FTO: variants seen among roughly 807,000 people sequenced by gnomAD.
FTO encodes the protein alpha-ketoglutarate-dependent dioxygenase FTO.
Under a neutral mutation model 63.9 loss-of-function variants are expected in FTO, and 47 were observed. That is an observed-to-expected ratio of 0.74 (90% CI 0.58 to 0.94). The LOEUF is 0.94. Among genes scored for constraint, FTO ranks in the 40% least tolerant of loss-of-function variants. The pLI is 0.00. For missense variants in FTO, 562 were observed against 618.1 expected (o/e 0.91, Z 0.96); for synonymous variants, 207 against 224.4 (o/e 0.92, Z 0.69).
At chr16:53,836,872 G>T (rs915219147) in intron 3 of FTO, among the ~76,000 whole-genome samples, 1 of 152,080 alleles carries the variant, frequency 6.6e-6, no homozygotes, top group African/African-American at 2.4e-5. Context: ...AGAGAAACTG[G>T]GTATTGGGTG....
At chr16:54,089,512 G>C (rs2086328863) in intron 8 of FTO, among the ~76,000 whole-genome samples, 1 of 152,110 alleles carries the variant, frequency 6.6e-6, no homozygotes, top group South Asian at 2.1e-4. Context: ...ACACGGTTAA[G>C]AGTTAATGGA....
At chr16:54,026,878 A>G (rs1424487082) in intron 8 of FTO, among the ~76,000 whole-genome samples, 1 of 152,218 alleles carries the variant, frequency 6.6e-6, no homozygotes, top group Non-Finnish European at 1.5e-5. Flanking sequence ...ATTTTTCTTT[A>G]GCCTTTTTGC....
At chr16:54,089,541 C>T (rs1213078439) in intron 8 of FTO, among the ~76,000 whole-genome samples, 1 of 152,086 alleles carries the variant, frequency 6.6e-6, no homozygotes, top group African/African-American at 2.4e-5. Context: ...ATAAATTGGA[C>T]TTCATCAGAA....
intron 2 of FTO, 51 bp downstream of exon 2, chr16:53,810,268 C>G: frequency 7.8e-7 from 1 of 1,274,114 alleles, no homozygotes; most frequent in Non-Finnish European, 1.1e-6. Context: ...TCTGATCAAC[C>G]TTATTTTACC....
chr16:53,728,994 C>T (rs2076212118), intron 1 of FTO, among the ~76,000 whole-genome samples: 1 of 151,340 alleles, frequency 6.6e-6, no homozygotes, highest in South Asian at 2.1e-4. Flanking sequence ...GAACTCCCGA[C>T]CTCAAGTGAT....
chr16:53,717,659 C>T (rs1199625422), intron 1 of FTO, among the ~76,000 whole-genome samples: 1 of 151,890 alleles, frequency 6.6e-6, no homozygotes, highest in Non-Finnish European at 1.5e-5. Context: ...AACAGTCATG[C>T]ATTCTTCTGG....
At chr16:54,056,611 G>A (rs1387098099) in intron 8 of FTO, among the ~76,000 whole-genome samples, 2 of 152,168 alleles carry the variant, frequency 1.3e-5, no homozygotes, top group East Asian at 1.9e-4. Context: ...TACATTGTGA[G>A]CAACCCTATG....
At chr16:53,900,385 A>G (rs2081372801) in intron 7 of FTO, among the ~76,000 whole-genome samples, 1 of 152,262 alleles carries the variant, frequency 6.6e-6, no homozygotes, top group South Asian at 2.1e-4. Context: ...AATATTCTCA[A>G]AAAAAGGGCA....
intron 1 of FTO, among the ~76,000 whole-genome samples, chr16:53,754,654 T>C (rs1400328280): frequency 6.6e-6 from 1 of 151,952 alleles, no homozygotes; most frequent in African/African-American, 2.4e-5. Context: ...AAAAGCTCCA[T>C]GATACCTTGA....
At chr16:53,738,639 G>C (rs1166390147) in intron 1 of FTO, among the ~76,000 whole-genome samples, 3 of 152,100 alleles carry the variant, frequency 2.0e-5, no homozygotes, top group Non-Finnish European at 4.4e-5. Context: ...CATATGGTAA[G>C]TCTATGTTTG....
At chr16:53,734,400 A>C (rs961204370) in intron 1 of FTO, among the ~76,000 whole-genome samples, 11 of 152,226 alleles carry the variant, frequency 7.2e-5, no homozygotes, top group African/African-American at 2.7e-4. Flanking sequence ...TGATGTACAG[A>C]ATCTTAATGT....
intron 8 of FTO, among the ~76,000 whole-genome samples, chr16:54,018,309 T>C (rs1392934513): frequency 1.3e-5 from 2 of 152,130 alleles, no homozygotes; most frequent in African/African-American, 4.8e-5. Flanking sequence ...ACCAGTAATA[T>C]ATGCAGATAC....
chr16:53,721,968 G>A (rs1459444239), intron 1 of FTO, among the ~76,000 whole-genome samples: 1 of 152,046 alleles, frequency 6.6e-6, no homozygotes, highest in Non-Finnish European at 1.5e-5. Context: ...GGTAAATTCT[G>A]CTTGGTTGTT....
chr16:53,959,209 G>T (rs2062096912), intron 8 of FTO, among the ~76,000 whole-genome samples: 1 of 152,190 alleles, frequency 6.6e-6, no homozygotes, highest in Admixed American at 6.5e-5. Flanking sequence ...AGGCAGGGGA[G>T]CTGGGATTCC....
chr16:53,999,867 C>T (rs1367009215), intron 8 of FTO: 4 of 152,222 alleles, frequency 2.6e-5, no homozygotes, highest in African/African-American at 9.6e-5. Flanking sequence ...TTCTTCGCCA[C>T]TCTGGATTGA....
intron 7 of FTO, among the ~76,000 whole-genome samples, chr16:53,891,721 C>T (rs112864974): frequency 0.045 from 6,918 of 152,190 alleles, 508 homozygotes; most frequent in African/African-American, 0.15. Context: ...AAGTGATATT[C>T]ATTATGAATT....
intron 1 of FTO, among the ~76,000 whole-genome samples, chr16:53,713,373 T>C (rs931340038): frequency 2.0e-5 from 3 of 152,214 alleles, no homozygotes; most frequent in African/African-American, 7.2e-5. Flanking sequence ...CTTTCTAACT[T>C]CTAGAGGAGA....
At chr16:53,838,673 C>A (rs1478772742) in intron 3 of FTO, among the ~76,000 whole-genome samples, 3 of 151,802 alleles carry the variant, frequency 2.0e-5, no homozygotes, top group Non-Finnish European at 4.4e-5. Context: ...AGAAATAGGG[C>A]TGTTTTTAAC....
chr16:54,031,656 T>C (rs2084835068), intron 8 of FTO, among the ~76,000 whole-genome samples: 1 of 152,188 alleles, frequency 6.6e-6, no homozygotes, highest in Non-Finnish European at 1.5e-5. Flanking sequence ...ATGATACTGA[T>C]GTTTTCTATG....
Sources: allele counts gnomAD v4.1 joint callset (sites outside exome capture counted in the v4.1 genomes callset), GRCh38; gene constraint gnomAD v4.1.1; transcripts MANE v1.5; gene names NCBI Gene and HGNC (gene_info 2026-07-23, HGNC 2026-07-21).